The following NCOA1 variants were observed in gnomAD, a reference collection of about 807,000 sequenced individuals.
The protein encoded by NCOA1 is Hin-2 protein.
A neutral mutation model predicts 150.9 loss-of-function variants in NCOA1; 35 were observed. That is an observed-to-expected ratio of 0.23 (90% CI 0.18 to 0.31). The LOEUF (loss-of-function observed/expected upper bound fraction) is 0.31. Among genes scored for constraint, NCOA1 ranks in the 10% least tolerant of loss-of-function variants. The pLI, the probability that NCOA1 is intolerant of heterozygous loss-of-function variation, is 1.00. For missense variants in NCOA1, 1,491 were observed against 1,749.3 expected (o/e 0.85, Z 2.63); for synonymous variants, 590 against 630.0 (o/e 0.94, Z 0.95).
At chr2:24,723,537 T>C (rs367755678) in intron 14 of NCOA1, among the ~76,000 whole-genome samples, 1 of 152,322 alleles carries the variant, frequency 6.6e-6, no homozygotes, top group East Asian at 1.9e-4. Flanking sequence ...CTGATAATGT[T>C]TCCATTTCTG....
At chr2:24,646,308 A>G (rs1235683903) in intron 4 of NCOA1, among the ~76,000 whole-genome samples, 2 of 152,144 alleles carry the variant, frequency 1.3e-5, no homozygotes, top group Non-Finnish European at 2.9e-5. Flanking sequence ...TACGATGACA[A>G]TGATGAACCA....
At chr2:24,491,719 C>T (rs1438457725) in intron 1 of NCOA1, among the ~76,000 whole-genome samples, 117 bp downstream of exon 1, 1 of 151,396 alleles carries the variant, frequency 6.6e-6, no homozygotes, top group East Asian at 2.0e-4. Flanking sequence ...CCCTGCTCTC[C>T]TTTCTCCCGC....
chr2:24,693,901 A>T (rs537583429), intron 10 of NCOA1, among the ~76,000 whole-genome samples: 15 of 152,160 alleles, frequency 9.9e-5, no homozygotes, highest in Non-Finnish European at 2.1e-4. Flanking sequence ...ATAAGGGAGG[A>T]TATATGAAAT....
chr2:24,612,455 T>C (rs183798574), intron 3 of NCOA1, among the ~76,000 whole-genome samples: 1 of 152,360 alleles, frequency 6.6e-6, no homozygotes, highest in East Asian at 1.9e-4. Context: ...ATTCGGGAAA[T>C]TTTCTTGAAT....
chr2:24,639,912 GTGTGTA>G lies in NCOA1; in HGVS notation c.-174-4052_-174-4047del, dbSNP rs1344252448. Among the ~76,000 whole-genome samples the G allele has an allele frequency of 8.6e-3, 821 of 95,852 alleles. 125 individuals are homozygous for G. Among genetic ancestry groups the G allele is most frequent in the Non-Finnish European group, 0.01 (503 of 49,870 alleles). 62.9% of individuals were successfully genotyped at this position (95,852 alleles called of 152,430 possible). On this transcript the variant is annotated intron_variant, in intron 3 of 22. Transcript: ENST00000348332. ...CAAAAAAAAAAAAAAAAGTATGTGT[GTGTGTA>G]TATATATATATATATATATATATAT...
chr2:24,556,253 G>A (rs1339988292), intron 1 of NCOA1, among the ~76,000 whole-genome samples: 2 of 152,160 alleles, frequency 1.3e-5, no homozygotes, highest in African/African-American at 4.8e-5. Flanking sequence ...GCGGTGTTTG[G>A]TTTTCTGTTC....
chr2:24,724,735 A>C (rs1029128700), intron 14 of NCOA1, among the ~76,000 whole-genome samples: 8 of 152,236 alleles, frequency 5.3e-5, no homozygotes, highest in African/African-American at 1.4e-4. Context: ...CAGCCATGTA[A>C]ATTTTCTTAG....
chr2:24,714,498 A>G (rs1673918529), intron 14 of NCOA1, among the ~76,000 whole-genome samples: 1 of 150,954 alleles, frequency 6.6e-6, no homozygotes, highest in Non-Finnish European at 1.5e-5. Context: ...GATATAAACT[A>G]CAAAAAAAAA....
intron 1 of NCOA1, among the ~76,000 whole-genome samples, chr2:24,549,835 G>A (rs1012058315): frequency 6.6e-6 from 1 of 152,212 alleles, no homozygotes; most frequent in Non-Finnish European, 1.5e-5. Flanking sequence ...CTCCCAGAGT[G>A]CTGGGATTAC....
intron 1 of NCOA1, among the ~76,000 whole-genome samples, chr2:24,527,053 G>C (rs1572384381): frequency 1.3e-5 from 2 of 152,136 alleles, no homozygotes; most frequent in South Asian, 4.1e-4. Context: ...TCCTGGGGTG[G>C]GGTCTGGGAA....
intron 1 of NCOA1, among the ~76,000 whole-genome samples, chr2:24,516,325 T>A (rs1014375489): frequency 4.6e-5 from 7 of 151,112 alleles, no homozygotes; most frequent in Non-Finnish European, 1.0e-4. Context: ...CCCGAGTAGC[T>A]GGGACTACAG....
Position 24,506,575 on chromosome 2 carries a change from G to C in NCOA1, c.-396+14973G>C, listed in dbSNP as rs539501459. On this transcript the variant is annotated intron_variant, in intron 1 of 22. Coordinates refer to ENST00000348332, the MANE Select transcript of NCOA1 (RefSeq NM_003743.5). ...GTTACTTTCTTGGCTCACTTCCGTG[G>C]AGAGGTGGGTTGGCAGCCTACTTAG... Among the ~76,000 whole-genome samples, 5 of 152,248 alleles carry C rather than the reference G, an allele frequency of 3.3e-5. No homozygotes were observed. The East Asian group carries it at 9.6e-4, about 29-fold the overall frequency.
In NCOA1 at chr2:24,768,406, A is replaced by C; in HGVS notation, c.*15A>C. On this transcript the variant is annotated 3_prime_UTR_variant, in exon 23 of 23. Transcript: ENST00000348332. ...TGACTGAATAACCACTTTTAAAGGA[A>C]TGTGAAATTTAAATAATAGACATAC... The C allele has an allele frequency of 6.4e-7, 1 of 1,563,864 alleles. No individual in the cohort carries two copies.
At chr2:24,602,945 G>C (rs528516162) in intron 3 of NCOA1, among the ~76,000 whole-genome samples, 1 of 152,138 alleles carries the variant, frequency 6.6e-6, no homozygotes, top group South Asian at 2.1e-4. Flanking sequence ...TTTTTAAAAA[G>C]GTTTTACTGC....
intron 20 of NCOA1, among the ~76,000 whole-genome samples, chr2:24,753,745 A>G (rs1197297561): frequency 1.3e-5 from 2 of 152,100 alleles, no homozygotes; most frequent in African/African-American, 4.8e-5. Flanking sequence ...AGGTGATTCT[A>G]GGACCTCTTC....
chr2:24,497,626 C>T (rs1036685888), intron 1 of NCOA1, among the ~76,000 whole-genome samples: 11 of 151,798 alleles, frequency 7.2e-5, no homozygotes, highest in Admixed American at 2.0e-4. Flanking sequence ...GAGCCGAGAT[C>T]GCGCCATTGC....
At chr2:24,587,156 T>C (rs1361491225) in intron 3 of NCOA1, among the ~76,000 whole-genome samples, 2 of 151,760 alleles carry the variant, frequency 1.3e-5, no homozygotes, top group Non-Finnish European at 2.9e-5. Flanking sequence ...AACCACACAC[T>C]GTAGCCCACA....
intron 6 of NCOA1, among the ~76,000 whole-genome samples, chr2:24,671,065 G>T (rs1216345195): frequency 6.6e-6 from 1 of 152,050 alleles, no homozygotes; most frequent in Non-Finnish European, 1.5e-5. Flanking sequence ...ACTGTGACAT[G>T]TGTACAAAAG....
intron 1 of NCOA1, among the ~76,000 whole-genome samples, chr2:24,552,199 A>T (rs12465057): frequency 0.45 from 67,705 of 149,986 alleles, 16,680 homozygotes; most frequent in Admixed American, 0.61. Context: ...CTGGGATTTT[A>T]ATTGGATTTA....
Sources: allele counts gnomAD v4.1 joint callset (sites outside exome capture counted in the v4.1 genomes callset), GRCh38; gene constraint gnomAD v4.1.1; transcripts MANE v1.5; gene names NCBI Gene and HGNC (gene_info 2026-07-23, HGNC 2026-07-21).